DAGLB: variants seen among roughly 807,000 people sequenced by gnomAD.
The protein encoded by DAGLB is diacylglycerol lipase-beta.
DAGLB carries 66 observed loss-of-function variants against 72.1 expected under a neutral mutation model. The ratio of observed to expected loss-of-function variants is 0.92; its 90% CI spans 0.75 to 1.12. DAGLB has a LOEUF of 1.12. Ranked by LOEUF, DAGLB falls within the 50% of genes most tolerant of loss-of-function variation. The probability of loss-of-function intolerance (pLI) is 0.00; values close to 1 mark genes in which losing one functional copy is unlikely to be tolerated. For missense variants in DAGLB, 1,065 were observed against 884.9 expected (o/e 1.20, Z -2.58); for synonymous variants, 414 against 359.5 (o/e 1.15, Z -1.71).
At chr7:6,440,673 G>T (rs1460503949) in intron 2 of DAGLB, among the ~76,000 whole-genome samples, 1 of 152,178 alleles carries the variant, frequency 6.6e-6, no homozygotes, top group Non-Finnish European at 1.5e-5. Context: ...ATGGCGGGAA[G>T]TTCGAGACCA....
chr7:6,434,560 A>G (rs1784593291), intron 4 of DAGLB, among the ~76,000 whole-genome samples: 1 of 152,126 alleles, frequency 6.6e-6, no homozygotes, highest in Non-Finnish European at 1.5e-5. Context: ...TCCTATTGGG[A>G]CACAGGGTCT....
intron 2 of DAGLB, among the ~76,000 whole-genome samples, chr7:6,443,766 G>C (rs1403444159): frequency 1.3e-5 from 2 of 151,974 alleles, no homozygotes; most frequent in African/African-American, 4.8e-5. Flanking sequence ...AGTGACAAAG[G>C]ACTAAAACAT....
chr7:6,425,201 G>A (rs923329823), intron 7 of DAGLB, among the ~76,000 whole-genome samples: 8 of 152,200 alleles, frequency 5.3e-5, no homozygotes, highest in African/African-American at 1.9e-4. Flanking sequence ...CAGGCCTCCC[G>A]CTGCGGTGCC....
chr7:6,423,601 T>G lies in DAGLB; in HGVS notation c.1140+1151A>C, dbSNP rs539242458. Among the ~76,000 whole-genome samples, 7 of 151,014 alleles carry G rather than the reference T, an allele frequency of 4.6e-5. No individual in the cohort carries two copies. The South Asian group carries it at 1.5e-3, about 32-fold the overall frequency. ...ACCATGCCCGGCTAATTTTTTTTTT[T>G]TTTCTGAGACAGGGTCTCACTCTGT... is the stretch of plus-strand genomic sequence containing the variant. On this transcript the variant is annotated intron_variant, in intron 8 of 14. Coordinates refer to ENST00000297056, the MANE Select transcript of DAGLB (RefSeq NM_139179.4).
At chr7:6,412,021 T>G (rs1005207513) in intron 13 of DAGLB, among the ~76,000 whole-genome samples, 1 of 152,078 alleles carries the variant, frequency 6.6e-6, no homozygotes, top group African/African-American at 2.4e-5. Context: ...TTCAAGCGAT[T>G]CTTCTGCCTC....
At position 6,421,649 on chromosome 7, in the gene DAGLB, G is replaced by A. The variant is rs547354507; in HGVS notation, c.1218+78C>T. ...GGGAGGCGCAGGCAGCGCGGGCTCT[G>A]TGCAGTCCCTGACCCGAGGCACCCA... On this transcript the variant is annotated intron_variant, in intron 9 of 14. Coordinates refer to ENST00000297056, the MANE Select transcript of DAGLB (RefSeq NM_139179.4). 1.2e-5 allele frequency: 18 copies of A among 1,470,854 alleles called. No homozygotes were observed. In the African/African-American group the frequency reaches 2.2e-4, roughly 18 times the overall value. 91.1% of individuals were successfully genotyped at this position (1,470,854 alleles called of 1,614,324 possible).
intron 1 of DAGLB, among the ~76,000 whole-genome samples, chr7:6,446,477 C>CAAAAAAAA (rs748156438): frequency 4.1e-4 from 24 of 58,652 alleles, no homozygotes; most frequent in East Asian, 1.5e-3. Flanking sequence ...GACTCCGTCT[C>CAAAAAAAA]AAAAAAAAAA....
In DAGLB at chr7:6,444,862, C is replaced by T. The variant is rs529758345; in HGVS notation, c.247+1091G>A. Among the ~76,000 whole-genome samples the T allele has an allele frequency of 1.1e-3, 165 of 152,250 alleles. 1 individual carries two copies. Among genetic ancestry groups the T allele is most frequent in the African/African-American group, 3.7e-3 (155 of 41,562 alleles). ...CAGAGGTTACAGTGAGCCGAGATTG[C>T]GCCATGGCACTCCAGCCTGGGTGAC... On this transcript the variant is annotated intron_variant, in intron 2 of 14. Coordinates refer to ENST00000297056, the MANE Select transcript of DAGLB (RefSeq NM_139179.4).
intron 4 of DAGLB, among the ~76,000 whole-genome samples, chr7:6,433,966 T>G (rs138336424): frequency 1.3e-5 from 2 of 152,248 alleles, no homozygotes; most frequent in African/African-American, 2.4e-5. Flanking sequence ...TCTTCCCTCT[T>G]CCAGATATCT....
At chr7:6,417,195 G>C (rs1329178921) in intron 9 of DAGLB, 2 of 358,594 alleles carry the variant, frequency 5.6e-6, no homozygotes, top group Admixed American at 4.5e-5. Flanking sequence ...AGGAGTTCAA[G>C]ACCAGCCTGG....
In DAGLB at chr7:6,434,811, G is replaced by A. The variant is rs769172638; in HGVS notation, c.629C>T (p.Thr210Ile). ...LCCCIGKDDHTRVAFSSTAEL... is the reference protein window; with the variant it reads ...LCCCIGKDDHIRVAFSSTAEL... ...TGCCGTACTCGAAAAAGCAACCCGAGTATGGTCGTCTTTCCCAATGCAACA... is the reference window on the plus strand; with the variant it reads ...TGCCGTACTCGAAAAAGCAACCCGAATATGGTCGTCTTTCCCAATGCAACA... Residue 210 changes from threonine (T) to isoleucine (I), a missense_variant, in exon 4 of 15, where the codon ACT (threonine) becomes ATT (isoleucine). Transcript: ENST00000297056. The A allele has an allele frequency of 9.3e-6, 15 of 1,614,046 alleles. No individual in the cohort carries two copies. Among genetic ancestry groups the A allele is most frequent in the South Asian group, 2.2e-5 (2 of 91,090 alleles).
chr7:6,436,258 T>C, intron 3 of DAGLB, 104 bp downstream of exon 3: 1 of 1,407,288 alleles, frequency 7.1e-7, no homozygotes, highest in East Asian at 2.4e-5. Flanking sequence ...TTTCTAACTA[T>C]TTGAGGAAGT....
At position 6,434,911 on chromosome 7, in the gene DAGLB, C is replaced by G; in HGVS notation, c.529G>C (p.Asp177His). Reference protein sequence around the residue: ...SAGPSHLDSHDSSQLLNGLKT... With the variant: ...SAGPSHLDSHHSSQLLNGLKT... ...AGGCCATTAAGTAACTGGCTTGAAT[C>G]ATGACTATCCAGGTGGCTGGGGCCG... Residue 177 changes from aspartate to histidine, a missense_variant, in exon 4 of 15, where the codon GAT (aspartate) becomes CAT (histidine). Asp to His is a moderately conservative substitution (Grantham distance 81). Coordinates refer to ENST00000297056, the MANE Select transcript of DAGLB (RefSeq NM_139179.4). The G allele has an allele frequency of 6.2e-7, 1 of 1,614,204 alleles. No homozygotes were observed. The highest frequency in any genetic ancestry group is 1.1e-5 in the South Asian group (1 of 91,088).
At chr7:6,413,230 T>C (rs527540719) in intron 11 of DAGLB, among the ~76,000 whole-genome samples, 196 bp from the exon 12 acceptor site, 1 of 152,100 alleles carries the variant, frequency 6.6e-6, no homozygotes, top group Non-Finnish European at 1.5e-5. Context: ...ACAATATGTG[T>C]TCAACAGAGA....
intron 9 of DAGLB, among the ~76,000 whole-genome samples, chr7:6,420,439 C>CA (rs113610940): frequency 0.4 from 55,603 of 138,038 alleles, 13,804 homozygotes; most frequent in African/African-American, 0.7. Context: ...GACTCCATCT[C>CA]AAAAAAAAAA....
chr7:6,432,452 T>C (rs1323406413), intron 5 of DAGLB, among the ~76,000 whole-genome samples: 1 of 148,244 alleles, frequency 6.7e-6, no homozygotes, highest in Non-Finnish European at 1.5e-5. Flanking sequence ...GGTGAAGAGA[T>C]GGAGACCATC....
chr7:6,411,400 T>C (rs1002461458), intron 13 of DAGLB, among the ~76,000 whole-genome samples: 10 of 152,254 alleles, frequency 6.6e-5, no homozygotes, highest in East Asian at 5.8e-4. Flanking sequence ...GGCAAGCAGA[T>C]TGCTTCAGCC....
At chr7:6,446,527 A>T (rs1268838159) in intron 1 of DAGLB, among the ~76,000 whole-genome samples, 3 of 143,770 alleles carry the variant, frequency 2.1e-5, no homozygotes, top group Non-Finnish European at 4.6e-5. Flanking sequence ...AAAGGAGTTA[A>T]TATTTTCCAA....
At position 6,430,464 on chromosome 7, in the gene DAGLB, G is replaced by C. The variant is rs1784450714; in HGVS notation, c.929+16C>G. 3 of 1,498,638 alleles carry C rather than the reference G, an allele frequency of 2.0e-6. No individual in the cohort carries two copies. In the African/African-American group the frequency reaches 4.2e-5, roughly 21 times the overall value. 92.8% of individuals were successfully genotyped at this position (1,498,638 alleles called of 1,614,324 possible). ...AGGGAAATATGGCTATGGAGGCTCA[G>C]ACTGTGCCAACCCACCAGTCACCAC... is the stretch of plus-strand genomic sequence containing the variant. On this transcript the variant is annotated intron_variant, in intron 6 of 14. Transcript: ENST00000297056.
Sources: allele counts gnomAD v4.1 joint callset (sites outside exome capture counted in the v4.1 genomes callset), GRCh38; gene constraint gnomAD v4.1.1; transcripts MANE v1.5; gene names NCBI Gene and HGNC (gene_info 2026-07-23, HGNC 2026-07-21).